CCDC166: variants seen among roughly 807,000 people sequenced by gnomAD.
The protein encoded by CCDC166 is coiled-coil domain-containing protein 166.
CCDC166 carries 17 observed loss-of-function variants against 14.4 expected under a neutral mutation model. The observed-to-expected ratio is 1.18, with a 90% CI of 0.81 to 1.77. The LOEUF (loss-of-function observed/expected upper bound fraction) is 1.77. Ranked by LOEUF, CCDC166 falls within the 40% of genes most tolerant of loss-of-function variation. CCDC166 has a pLI of 0.00. For missense variants in CCDC166, 738 were observed against 665.8 expected, an observed-to-expected ratio of 1.11 and a Z score of -1.19; for synonymous variants, 336 against 330.1, an observed-to-expected ratio of 1.02 and a Z score of -0.20.
At position 143,707,507 on chromosome 8, in the gene CCDC166, G is replaced by C; in HGVS notation, c.507C>G (p.Arg169=). The change falls in exon 2 of 2, where the codon CGC becomes CGG. Residue 169 remains arginine (R), a synonymous_variant. Coordinates refer to ENST00000542437, the MANE Select transcript of CCDC166 (RefSeq NM_001162914.1). The surrounding 1 kb of genome is among the most constrained non-coding windows in gnomAD (Gnocchi z 8.0). ...GGTGGAGCAGCTGCGTGTGCTCCAC[G>C]CGCATATGCAGCAGCTCGCGCTCCA... ...RALERELLHM[R]VEHTQLLHRV... is the part of the protein sequence containing the mutation. 1 of 1,419,510 alleles carries C rather than the reference G, an allele frequency of 7.0e-7. No individual in the cohort carries two copies. The highest frequency in any genetic ancestry group is 9.1e-7 in the Non-Finnish European group (1 of 1,093,674). 87.9% of individuals were successfully genotyped at this position (1,419,510 alleles called of 1,614,324 possible). A position where few individuals can be genotyped will look rare whatever the true frequency, so the allele number is the denominator to read the frequency against.
chr8:143,707,228 C>G lies in CCDC166; in HGVS notation c.786G>C (p.Thr262=). The change falls in exon 2 of 2, where the codon ACG becomes ACC. Residue 262 remains threonine, a synonymous_variant. Transcript: ENST00000542437. This position sits in a 1 kb window ranked among gnomAD's most constrained non-coding sequence, Gnocchi z 8.0. ...REQLHREHED[T]RDLARVHGWL... is the part of the protein sequence containing the mutation. ...AGCCGTGCACACGCGCCAGGTCCCG[C>G]GTGTCCTCGTGCTCGCGGTGCAGTT... 1.4e-6 allele frequency: 2 copies of G among 1,426,042 alleles called. No individual in the cohort carries two copies. Among genetic ancestry groups the G allele is most frequent in the South Asian group, 2.8e-5 (2 of 70,642 alleles). 88.3% of individuals were successfully genotyped at this position (1,426,042 alleles called of 1,614,324 possible).
In CCDC166 at chr8:143,707,917, C is replaced by A. The variant is rs1479184057; in HGVS notation, c.193G>T (p.Glu65Ter). Residue 65 changes from glutamate to a stop codon, truncating the protein, a stop_gained, in exon 1 of 2, where the codon GAG (glutamate) becomes TAG (stop). Coordinates refer to ENST00000542437, the MANE Select transcript of CCDC166 (RefSeq NM_001162914.1). LOFTEE classifies it high-confidence loss of function. The surrounding 1 kb of genome is among the most constrained non-coding windows in gnomAD (Gnocchi z 8.0). Reference sequence around the variant, plus strand: ...TTCTCCTCGCGCAGGCGCAGCGCCTCGCGGTCCAGGAAGGCGTTCTCTCGC... The same window carrying A: ...TTCTCCTCGCGCAGGCGCAGCGCCTAGCGGTCCAGGAAGGCGTTCTCTCGC... The part of the protein sequence containing the change: ...VLRENAFLDR[E>*]ALRLREENRL... The A allele has an allele frequency of 4.6e-6, 7 of 1,537,596 alleles. No homozygotes were observed. The East Asian group carries it at 1.5e-4, about 32-fold the overall frequency.
chr8:143,706,788 A>G lies in CCDC166; in HGVS notation c.1226T>C (p.Leu409Pro). The change falls in exon 2 of 2, where the codon CTG becomes CCG. Residue 409 changes from leucine to proline, a missense_variant. Physicochemically the swap from Leu to Pro is moderately conservative, Grantham distance 98. Transcript: ENST00000542437. ...AAGAGCCGGATCCCGATCCCGGGAC[A>G]GGCCAGAGAGAAGCTTGGGGCCAGA... Reference protein sequence around the residue: ...TKSGPKLLSGLSRDRDPALLP... With the variant: ...TKSGPKLLSGPSRDRDPALLP... 6.4e-7 allele frequency: 1 copy of G among 1,551,116 alleles called. No individual in the cohort carries two copies. The highest frequency in any genetic ancestry group is 8.7e-7 in the Non-Finnish European group (1 of 1,146,978).
rs1554616590 is a variant in CCDC166 at position 143,706,784 on chromosome 8, G to C, written c.1230C>G (p.Ser410=). The change falls in exon 2 of 2, where the codon TCC becomes TCG. Residue 410 remains serine, a synonymous_variant. Transcript: ENST00000542437. The part of the protein sequence containing the change: ...KSGPKLLSGL[S]RDRDPALLPP... ...GGAGAAGAGCCGGATCCCGATCCCG[G>C]GACAGGCCAGAGAGAAGCTTGGGGC... is the stretch of plus-strand genomic sequence containing the variant. 1 of 1,551,076 alleles carries C rather than the reference G, an allele frequency of 6.4e-7. No homozygotes were observed. Among genetic ancestry groups the C allele is most frequent in the Non-Finnish European group, 8.7e-7 (1 of 1,146,982 alleles).
Position 143,707,330 on chromosome 8 carries a change from C to T in CCDC166, c.684G>A (p.Arg228=). ...QAIKADNGRL[R]QELLLLLRRT... Reference sequence around the variant, plus strand: ...GGCGGAGCAGCAGCAGCAGCTCCTGCCGCAGGCGTCCGTTGTCCGCTTTGA... The same window carrying T: ...GGCGGAGCAGCAGCAGCAGCTCCTGTCGCAGGCGTCCGTTGTCCGCTTTGA... The change falls in exon 2 of 2, where the codon CGG becomes CGA. Residue 228 remains arginine (R), a synonymous_variant. Coordinates refer to ENST00000542437, the MANE Select transcript of CCDC166 (RefSeq NM_001162914.1). The surrounding 1 kb of genome is among the most constrained non-coding windows in gnomAD (Gnocchi z 8.0). The T allele has an allele frequency of 7.1e-7, 1 of 1,409,626 alleles. No homozygotes were observed. The highest frequency in any genetic ancestry group is 9.2e-7 in the Non-Finnish European group (1 of 1,087,398). The allele number at this position is 1,409,626 out of a possible 1,614,324, so 87.3% of individuals were successfully genotyped here. A position where few individuals can be genotyped will look rare whatever the true frequency, so the allele number is the denominator to read the frequency against.
chr8:143,707,478 A>G lies in CCDC166; in HGVS notation c.536T>C (p.Val179Ala). The G allele has an allele frequency of 6.8e-7, 1 of 1,472,786 alleles. No homozygotes were observed. The highest frequency in any genetic ancestry group is 8.9e-7 in the Non-Finnish European group (1 of 1,119,738). 91.2% of individuals were successfully genotyped at this position (1,472,786 alleles called of 1,614,324 possible). Residue 179 changes from valine to alanine, a missense_variant, in exon 2 of 2, where the codon GTG becomes GCG. By Grantham distance (64) the Val-to-Ala change is moderately conservative (BLOSUM62 0). Coordinates refer to ENST00000542437, the MANE Select transcript of CCDC166 (RefSeq NM_001162914.1). This position sits in a 1 kb window ranked among gnomAD's most constrained non-coding sequence, Gnocchi z 8.0. ...RVEHTQLLHR[V>A]KRRFLEDKAA... The stretch of plus-strand genomic sequence containing the variant: ...CTTGTCCTCCAGGAAGCGCCGCTTC[A>G]CGCGGTGGAGCAGCTGCGTGTGCTC...
Sources: gnomAD v4.1 joint callset for allele counts on GRCh38, gnomAD v4.1.1 for gene constraint, Gnocchi (gnomAD v3.1) non-coding constraint, MANE v1.5 for transcripts, NCBI Gene and HGNC (gene_info 2026-07-23, HGNC 2026-07-21) for gene names.